PDE1A: variants seen among roughly 807,000 people sequenced by gnomAD.
The protein encoded by PDE1A is phosphodiesterase 1A.
A neutral mutation model predicts 61.7 loss-of-function variants in PDE1A; 35 were observed. That is an observed-to-expected ratio of 0.57 (90% CI 0.43 to 0.75). The LOEUF is 0.75. PDE1A is among the 30% of genes least tolerant of loss of function. The pLI, the probability that PDE1A is intolerant of heterozygous loss-of-function variation, is 0.00. For synonymous variants in PDE1A, 232 were observed against 213.2 expected (o/e 1.09, Z -0.77); for missense variants, 597 against 630.6 (o/e 0.95, Z 0.57).
chr2:182,170,700 T>A, intron 13 of PDE1A, among the ~76,000 whole-genome samples: 1 of 151,982 alleles, frequency 6.6e-6, no homozygotes, highest in East Asian at 1.9e-4. Context: ...ATATCTAAAT[T>A]GTAGGGTTAT....
intron 1 of PDE1A, among the ~76,000 whole-genome samples, chr2:182,407,744 C>T (rs752486841): frequency 3.3e-5 from 5 of 152,118 alleles, no homozygotes; most frequent in Non-Finnish European, 5.9e-5. Flanking sequence ...CAGAACTTGA[C>T]CAACCACTTA....
At chr2:182,204,394 C>A (rs1225231696) in intron 8 of PDE1A, among the ~76,000 whole-genome samples, 1 of 152,092 alleles carries the variant, frequency 6.6e-6, no homozygotes, top group Non-Finnish European at 1.5e-5. Context: ...ACAGTTAACC[C>A]TTGAACAACA....
intron 2 of PDE1A, among the ~76,000 whole-genome samples, chr2:182,441,816 G>A (rs1289528803): frequency 1.3e-5 from 2 of 151,824 alleles, no homozygotes; most frequent in African/African-American, 2.4e-5. Context: ...ATCAAATCTG[G>A]GACAATCTGA....
chr2:182,560,268 G>A, the PDE1A span, among the ~76,000 whole-genome samples: 1 of 134,112 alleles, frequency 7.5e-6, no homozygotes, highest in African/African-American at 2.9e-5. Flanking sequence ...CTGTGTCCGT[G>A]TGTTCTCATT....
chr2:182,288,892 T>G (rs1321904571), intron 1 of PDE1A, among the ~76,000 whole-genome samples: 1 of 152,120 alleles, frequency 6.6e-6, no homozygotes, highest in African/African-American at 2.4e-5. Context: ...TTTGAAAGAC[T>G]TTTAAAAATA....
chr2:182,248,206 A>G, intron 2 of PDE1A, among the ~76,000 whole-genome samples: 1 of 151,574 alleles, frequency 6.6e-6, no homozygotes, highest in Non-Finnish European at 1.5e-5. Flanking sequence ...CAGTGAGCCA[A>G]GATCACACCA....
chr2:182,234,578 G>T, intron 3 of PDE1A, 80 bp from the exon 4 acceptor site: 2 of 911,238 alleles, frequency 2.2e-6, no homozygotes, highest in Non-Finnish European at 1.8e-6. Context: ...TCAGGGAAAA[G>T]ATTACTTTTG....
At chr2:182,640,763 T>C in the PDE1A span, among the ~76,000 whole-genome samples, 4 of 152,032 alleles carry the variant, frequency 2.6e-5, no homozygotes, top group African/African-American at 9.7e-5. Flanking sequence ...CTCATGCCTG[T>C]AATCCCAGCA....
the PDE1A span, among the ~76,000 whole-genome samples, chr2:182,578,360 T>C: frequency 6.6e-6 from 1 of 152,114 alleles, no homozygotes; most frequent in Non-Finnish European, 1.5e-5. Context: ...TTCTTACAAA[T>C]TTTATTCCAA....
At chr2:182,191,201 G>A (rs1332950959) in intron 10 of PDE1A, among the ~76,000 whole-genome samples, 1 of 152,076 alleles carries the variant, frequency 6.6e-6, no homozygotes, top group Non-Finnish European at 1.5e-5. Flanking sequence ...TGCAGTATGA[G>A]AGATGACTTG....
At chr2:182,412,627 T>C (rs1262153545) in intron 1 of PDE1A, among the ~76,000 whole-genome samples, 2 of 152,172 alleles carry the variant, frequency 1.3e-5, no homozygotes, top group Non-Finnish European at 2.9e-5. Flanking sequence ...GCTTGAGAGT[T>C]GATGTGTGTT....
rs184156802 is a variant in PDE1A at position 182,470,841 on chromosome 2, T to C, written c.101+51435A>G. Among the ~76,000 whole-genome samples, 38 of 151,920 alleles carry C rather than the reference T, an allele frequency of 2.5e-4. No homozygotes were observed. In the East Asian group the frequency reaches 6.8e-3, roughly 27 times the overall value. On this transcript the variant is annotated intron_variant, in intron 2 of 14. Coordinates refer to the PDE1A transcript ENST00000410103. ...GAAGAAAGGTTTTGCACAAGGAGCA[T>C]TAGGCTCAATCCAGTGGGAGATGAC...
chr2:182,188,539 A>G (rs1559157272), intron 11 of PDE1A, among the ~76,000 whole-genome samples: 1 of 152,216 alleles, frequency 6.6e-6, no homozygotes, highest in Admixed American at 6.5e-5. Context: ...TGGTTAATCT[A>G]TTCACATCAT....
intron 2 of PDE1A, among the ~76,000 whole-genome samples, chr2:182,467,433 C>T (rs1686746509): frequency 6.6e-6 from 1 of 151,850 alleles, no homozygotes; most frequent in African/African-American, 2.4e-5. Flanking sequence ...AAAAGGAAAA[C>T]ATTGGACCCA....
intron 10 of PDE1A, among the ~76,000 whole-genome samples, chr2:182,198,518 T>C (rs954715096): frequency 6.6e-6 from 1 of 151,890 alleles, no homozygotes; most frequent in African/African-American, 2.4e-5. Flanking sequence ...CTTCTACTTC[T>C]AGTTTACTAA....
chr2:182,285,094 G>A (rs1196038975), intron 1 of PDE1A, among the ~76,000 whole-genome samples: 3 of 151,928 alleles, frequency 2.0e-5, no homozygotes, highest in Non-Finnish European at 2.9e-5. Context: ...TTGTTTTGCC[G>A]CCTCTGATTC....
chr2:182,413,784 T>TG (rs1346476409), intron 1 of PDE1A, among the ~76,000 whole-genome samples: 2 of 152,168 alleles, frequency 1.3e-5, no homozygotes, highest in African/African-American at 4.8e-5. Flanking sequence ...GGAAATCCTC[T>TG]TGTAATCCTG....
At chr2:182,627,143 ATAT>A in the PDE1A span, among the ~76,000 whole-genome samples, 7 of 67,260 alleles carry the variant, frequency 1.0e-4, 2 homozygotes, top group South Asian at 9.8e-4. Context: ...TAAAATATAA[ATAT>A]TATTTATATA....
Position 182,231,159 on chromosome 2 carries a change from G to A in PDE1A, c.418-28C>T, listed in dbSNP as rs1321117607. 11 of 1,103,248 alleles carry A rather than the reference G, an allele frequency of 1.0e-5. No homozygotes were observed. The African/African-American group carries it at 1.2e-4, about 12-fold the overall frequency. 68.3% of individuals were successfully genotyped at this position (1,103,248 alleles called of 1,614,324 possible). On this transcript the variant is annotated intron_variant, in intron 4 of 13. Coordinates refer to ENST00000351439, the Ensembl canonical transcript of PDE1A. ...GTAGAAAAAAGAATAAATACTTTAGGTGCCAATATCATACTGTTTCTACGA... is the reference window on the plus strand; with the variant it reads ...GTAGAAAAAAGAATAAATACTTTAGATGCCAATATCATACTGTTTCTACGA...
Sources: allele counts gnomAD v4.1 joint callset (sites outside exome capture counted in the v4.1 genomes callset), GRCh38; gene constraint gnomAD v4.1.1; transcripts MANE v1.5; gene names NCBI Gene and HGNC (gene_info 2026-07-23, HGNC 2026-07-21).